The following NMD3 variants were observed in gnomAD, a reference collection of about 807,000 sequenced individuals.
NMD3 encodes 60S ribosomal export protein NMD3.
NMD3 carries 47 observed loss-of-function variants against 73.1 expected under a neutral mutation model. The observed-to-expected ratio is 0.64, with a 90% CI of 0.51 to 0.82. The LOEUF (loss-of-function observed/expected upper bound fraction) is 0.82. NMD3 is among the 40% of genes least tolerant of loss of function. NMD3 has a pLI of 0.00. For missense variants in NMD3, 554 were observed against 612.5 expected (o/e 0.90, Z 1.01); for synonymous variants, 210 against 194.5 (o/e 1.08, Z -0.66).
Position 161,251,761 on chromosome 3 carries a change from T to G in NMD3, c.*851T>G, listed in dbSNP as rs1345759736. The G allele has an allele frequency of 6.6e-6, 1 of 152,144 alleles. No individual in the cohort carries two copies. Among genetic ancestry groups the G allele is most frequent in the Non-Finnish European group, 1.5e-5 (1 of 68,018 alleles). The allele number at this position is 152,144 out of a possible 1,614,324, so 9.4% of individuals were successfully genotyped here. A position where few individuals can be genotyped will look rare whatever the true frequency, so the allele number is the denominator to read the frequency against. On this transcript the variant is annotated 3_prime_UTR_variant, in exon 16 of 16. Transcript: ENST00000351193. Reference sequence around the variant, plus strand: ...ATCACCATTAAAAAGAATATTAGAATCCAGCATGAAGATAATGGCTAATAA... The same window carrying G: ...ATCACCATTAAAAAGAATATTAGAAGCCAGCATGAAGATAATGGCTAATAA...
intron 10 of NMD3, among the ~76,000 whole-genome samples, chr3:161,242,209 C>T (rs1460308305): frequency 6.6e-6 from 1 of 152,026 alleles, no homozygotes; most frequent in Non-Finnish European, 1.5e-5. Context: ...AGTGCCAGCA[C>T]GTGAAACAGC....
intron 4 of NMD3, among the ~76,000 whole-genome samples, chr3:161,232,537 C>G (rs1004943456): frequency 1.3e-5 from 2 of 152,130 alleles, no homozygotes; most frequent in African/African-American, 4.8e-5. Flanking sequence ...TTGTTTATTT[C>G]GGTATAGGTA....
intron 5 of NMD3, among the ~76,000 whole-genome samples, 188 bp from the exon 6 acceptor site, chr3:161,234,539 T>C (rs1293435836): frequency 6.6e-6 from 1 of 151,926 alleles, no homozygotes; most frequent in African/African-American, 2.4e-5. Context: ...TCTTAGGAAT[T>C]AAATCTGTAT....
chr3:161,239,703 AT>A (rs1736897648), intron 9 of NMD3, among the ~76,000 whole-genome samples: 1 of 152,188 alleles, frequency 6.6e-6, no homozygotes, highest in Non-Finnish European at 1.5e-5. Context: ...TAAAACTGCT[AT>A]TGCTATTTTA....
intron 4 of NMD3, among the ~76,000 whole-genome samples, chr3:161,231,117 A>G (rs1040910339): frequency 1.3e-5 from 2 of 152,226 alleles, no homozygotes; most frequent in African/African-American, 4.8e-5. Flanking sequence ...CTAAGGTGAA[A>G]TAAGAGAGGG....
chr3:161,222,021 A>G lies in NMD3; in HGVS notation c.8A>G (p.Tyr3Cys), dbSNP rs1288059510. 5 of 1,484,732 alleles carry G rather than the reference A, an allele frequency of 3.4e-6. No homozygotes were observed. Among genetic ancestry groups the G allele is most frequent in the African/African-American group, 1.5e-5 (1 of 65,400 alleles). The allele number at this position is 1,484,732 out of a possible 1,614,324, so 92.0% of individuals were successfully genotyped here. A position where few individuals can be genotyped will look rare whatever the true frequency, so the allele number is the denominator to read the frequency against. ...CTTAAGGCATACAGAACGATGGAGTATATGGCAGAATCCACCGACCGCAGC... is the reference window on the plus strand; with the variant it reads ...CTTAAGGCATACAGAACGATGGAGTGTATGGCAGAATCCACCGACCGCAGC... The part of the protein sequence containing the change: ME[Y>C]MAESTDRSPG... The change falls in exon 2 of 16, where the codon TAT (tyrosine) becomes TGT (cysteine). Residue 3 changes from tyrosine to cysteine, a missense_variant. Physicochemically the swap from Tyr to Cys is radical, Grantham distance 194 (BLOSUM62 -2). Transcript: ENST00000351193.
rs757700399 is a variant in NMD3, at chr3:161,221,995, A to G, written c.-19A>G. ...TTTTTTTTTTTTTTTTTTTAAAAGA[A>G]CTTAAGGCATACAGAACGATGGAGT... On this transcript the variant is annotated splice_region_variant and 5_prime_UTR_variant, in exon 2 of 16. Coordinates refer to ENST00000351193, the MANE Select transcript of NMD3 (RefSeq NM_015938.5). The G allele has an allele frequency of 1.4e-5, 20 of 1,427,680 alleles. No homozygotes were observed. The South Asian group carries it at 2.3e-4, about 16-fold the overall frequency. 88.4% of individuals were successfully genotyped at this position (1,427,680 alleles called of 1,614,324 possible). A position where few individuals can be genotyped will look rare whatever the true frequency, so the allele number is the denominator to read the frequency against.
At chr3:161,250,610 G>A (rs965421244) in intron 15 of NMD3, among the ~76,000 whole-genome samples, 170 bp from the exon 16 acceptor site, 1 of 152,222 alleles carries the variant, frequency 6.6e-6, no homozygotes, top group South Asian at 2.1e-4. Context: ...CAGTTCATTT[G>A]TTCAGTGAAT....
Position 161,233,415 on chromosome 3 carries a change from C to T in NMD3, c.293C>T (p.Ala98Val). The T allele has an allele frequency of 6.2e-7, 1 of 1,608,804 alleles. No individual in the cohort carries two copies. The highest frequency in any genetic ancestry group is 8.5e-7 in the Non-Finnish European group (1 of 1,177,114). ...TTATTGAAGGTACGGCTTGTAGATG[C>T]AGGCTTTGTTTGGACTGAGCCTCAT... ...APLSKVRLVDAGFVWTEPHSK... is the reference protein window; with the variant it reads ...APLSKVRLVDVGFVWTEPHSK... The change falls in exon 5 of 16, where the codon GCA becomes GTA. Residue 98 changes from alanine to valine, a missense_variant. Coordinates refer to ENST00000351193, the MANE Select transcript of NMD3 (RefSeq NM_015938.5).
chr3:161,242,494 A>G lies in NMD3; in HGVS notation c.872-14A>G, dbSNP rs1238489406. On this transcript the variant is annotated splice_polypyrimidine_tract_variant and intron_variant, in intron 10 of 15. Transcript: ENST00000351193. Reference sequence around the variant, plus strand: ...AATTTTTCTTATGTTTTTGTGTTCTATCCTTATTTTTAGTGGCAGATATTG... The same window carrying G: ...AATTTTTCTTATGTTTTTGTGTTCTGTCCTTATTTTTAGTGGCAGATATTG... 1.2e-6 allele frequency: 2 copies of G among 1,607,962 alleles called. No homozygotes were observed. Among genetic ancestry groups the G allele is most frequent in the Admixed American group, 1.7e-5 (1 of 59,608 alleles).
intron 9 of NMD3, among the ~76,000 whole-genome samples, 167 bp downstream of exon 9, chr3:161,238,993 TTAA>T (rs1414515672): frequency 5.3e-5 from 8 of 152,184 alleles, no homozygotes; most frequent in Admixed American, 5.2e-4. Context: ...ATATATATTT[TTAA>T]AAAAGTCATG....
At chr3:161,237,507 G>T (rs1425783319) in intron 7 of NMD3, among the ~76,000 whole-genome samples, 1 of 146,398 alleles carries the variant, frequency 6.8e-6, no homozygotes. Flanking sequence ...CTTCTTGGTA[G>T]ATTATTCCAT....
intron 11 of NMD3, among the ~76,000 whole-genome samples, chr3:161,243,376 G>A (rs1296607216): frequency 2.0e-5 from 3 of 152,070 alleles, no homozygotes; most frequent in Admixed American, 2.0e-4. Context: ...GATTAACTGT[G>A]GGCAGATGAA....
At chr3:161,247,126 A>C (rs1360019134) in intron 12 of NMD3, 132 bp from the exon 13 acceptor site, 3 of 594,850 alleles carry the variant, frequency 5.0e-6, no homozygotes, top group African/African-American at 3.7e-5. Context: ...TTGTGTAATA[A>C]ATGACAGAAC....
chr3:161,239,373 A>G (rs921972443), intron 9 of NMD3, among the ~76,000 whole-genome samples: 4 of 152,222 alleles, frequency 2.6e-5, no homozygotes, highest in Non-Finnish European at 2.9e-5. Flanking sequence ...AATTCAATAA[A>G]TAGTTATTGA....
At chr3:161,241,834 A>T (rs1481946980) in intron 10 of NMD3, among the ~76,000 whole-genome samples, 1 of 152,142 alleles carries the variant, frequency 6.6e-6, no homozygotes, top group Admixed American at 6.6e-5. Flanking sequence ...TTTGTGGCCC[A>T]TTGGAACATT....
intron 6 of NMD3, 123 bp from the exon 7 acceptor site, chr3:161,234,999 A>C (rs535114959): frequency 1.1e-6 from 1 of 946,472 alleles, no homozygotes; most frequent in African/African-American, 1.7e-5. Context: ...CATTTTAGAT[A>C]ATCTTTAAAG....
intron 9 of NMD3, 146 bp from the exon 10 acceptor site, chr3:161,240,900 T>G (rs1736948546): frequency 4.1e-6 from 2 of 492,502 alleles, no homozygotes; most frequent in Admixed American, 7.3e-5. Context: ...GGTCTGATTC[T>G]TTTCTTTAGT....
downstream of NMD3, chr3:161,252,824 T>A (rs781400498): frequency 1.4e-6 from 1 of 695,110 alleles, no homozygotes; most frequent in Admixed American, 2.0e-5. Flanking sequence ...AGGGGCCAAG[T>A]GTGGTGGTTG....
Sources: allele counts gnomAD v4.1 joint callset (sites outside exome capture counted in the v4.1 genomes callset), GRCh38; gene constraint gnomAD v4.1.1; transcripts MANE v1.5; gene names NCBI Gene and HGNC (gene_info 2026-07-23, HGNC 2026-07-21).